Variants in PCDHGB1 observed in about 807,000 individuals in gnomAD.
PCDHGB1 encodes the protein protocadherin gamma subfamily B, 1.
A neutral mutation model predicts 56.6 loss-of-function variants in PCDHGB1; 34 were observed. The observed-to-expected ratio is 0.60, with a 90% CI of 0.46 to 0.80. The LOEUF is 0.80. PCDHGB1 is among the 30% of genes least tolerant of loss of function. The pLI, the probability that PCDHGB1 is intolerant of heterozygous loss-of-function variation, is 0.00. For missense variants in PCDHGB1, 1,278 were observed against 1,204.6 expected (o/e 1.06, Z -0.90); for synonymous variants, 561 against 505.9 (o/e 1.11, Z -1.46).
chr5:141,357,205 C>T (rs1292971375), intron 1 of PCDHGB1: 1 of 1,613,850 alleles, frequency 6.2e-7, no homozygotes, highest in Non-Finnish European at 8.5e-7. Context: ...CGACAGCATC[C>T]CAGATGTCCT....
rs768920923 is a variant in PCDHGB1 at position 141,351,129 on chromosome 5, T to A, written c.869T>A (p.Leu290His). Residue 290 changes from leucine to histidine, a missense_variant, in exon 1 of 4, where the codon CTC (leucine) becomes CAC (histidine). Coordinates refer to ENST00000523390, the MANE Select transcript of PCDHGB1 (RefSeq NM_018922.3). Reference protein sequence around the residue: ...NSPISTSLFNLNPNTGDITTN... With the variant: ...NSPISTSLFNHNPNTGDITTN... ...CCAATAAGTACCAGCCTCTTCAATC[T>A]CAATCCAAATACTGGCGACATCACA... 1 of 1,614,048 alleles carries A rather than the reference T, an allele frequency of 6.2e-7. No homozygotes were observed. Among genetic ancestry groups the A allele is most frequent in the Admixed American group, 1.7e-5 (1 of 60,032 alleles).
At chr5:141,447,284 C>A (rs979564320) in intron 1 of PCDHGB1, among the ~76,000 whole-genome samples, 1 of 152,124 alleles carries the variant, frequency 6.6e-6, no homozygotes, top group African/African-American at 2.4e-5. Context: ...GGACTACAGG[C>A]ACATGCCACC....
chr5:141,500,189 TTTA>T (rs780229863), intron 2 of PCDHGB1, among the ~76,000 whole-genome samples: 5,656 of 110,928 alleles, frequency 0.051, 122 homozygotes, highest in Middle Eastern at 0.14. Context: ...TTTATTTTTA[TTTA>T]TTTATTTATT....
intron 1 of PCDHGB1, chr5:141,372,555 C>T: frequency 6.2e-7 from 1 of 1,614,046 alleles, no homozygotes; most frequent in Non-Finnish European, 8.5e-7. Context: ...CTCCTCCAGA[C>T]CCGCCACTGA....
chr5:141,427,671 A>T (rs1441504057), intron 1 of PCDHGB1: 1 of 798,486 alleles, frequency 1.3e-6, no homozygotes, highest in East Asian at 2.6e-5. Flanking sequence ...GGCCGAAAAC[A>T]ACCTTCCCGG....
intron 1 of PCDHGB1, chr5:141,385,199 A>C (rs1185520352): frequency 6.2e-7 from 1 of 1,614,064 alleles, no homozygotes; most frequent in African/African-American, 1.3e-5. Flanking sequence ...CGGAAGAGTC[A>C]CCTGATCTTC....
rs114387256 is a variant in PCDHGB1, at chr5:141,358,315, T to G, written c.2409+5646T>G. On this transcript the variant is annotated intron_variant, in intron 1 of 3. Coordinates refer to ENST00000523390, the MANE Select transcript of PCDHGB1 (RefSeq NM_018922.3). The stretch of plus-strand genomic sequence containing the variant: ...TGTAAATTCACATTTACAATATTCT[T>G]TCTCATGAAGCTATTGTTGGATCTG... Among the ~76,000 whole-genome samples, 874 of 152,340 alleles carry G rather than the reference T, an allele frequency of 5.7e-3. 6 individuals carry two copies. The highest frequency in any genetic ancestry group is 0.02 in the African/African-American group (833 of 41,578).
At chr5:141,422,891 A>G in intron 1 of PCDHGB1, 3 of 1,614,192 alleles carry the variant, frequency 1.9e-6, no homozygotes, top group Non-Finnish European at 2.5e-6. Context: ...TTCGTGCTGG[A>G]CCAGAACGAC....
chr5:141,502,500 G>C (rs1398797155), intron 2 of PCDHGB1, among the ~76,000 whole-genome samples: 1 of 152,046 alleles, frequency 6.6e-6, no homozygotes, highest in Non-Finnish European at 1.5e-5. Flanking sequence ...ATCTAACGTC[G>C]GCCTGTCCCA....
At chr5:141,450,006 C>CTTT (rs1554136305) in intron 1 of PCDHGB1, among the ~76,000 whole-genome samples, 1 of 132,986 alleles carries the variant, frequency 7.5e-6, no homozygotes, top group Non-Finnish European at 1.6e-5. Context: ...TGCCATGTCT[C>CTTT]TTTTTTTTTT....
At chr5:141,356,885 T>A in intron 1 of PCDHGB1, 2 of 1,614,172 alleles carry the variant, frequency 1.2e-6, no homozygotes, top group Non-Finnish European at 1.7e-6. Flanking sequence ...GTCCCTGAGA[T>A]CCTGTACCCC....
At chr5:141,404,015 C>T in intron 1 of PCDHGB1, 1 of 1,613,622 alleles carries the variant, frequency 6.2e-7, no homozygotes. Context: ...TCTGTTTAGC[C>T]CAGTGAGAGA....
intron 1 of PCDHGB1, chr5:141,354,976 C>A: frequency 1.8e-6 from 1 of 544,760 alleles, no homozygotes; most frequent in Non-Finnish European, 3.0e-6. Flanking sequence ...CTCTGGGTGT[C>A]GCTGTTCACC....
intron 1 of PCDHGB1, among the ~76,000 whole-genome samples, chr5:141,439,208 C>A: frequency 6.6e-6 from 1 of 151,294 alleles, no homozygotes. Flanking sequence ...AAAAAAAATC[C>A]ATATGTGAAA....
chr5:141,477,087 C>A lies in PCDHGB1; in HGVS notation c.2410-17720C>A, dbSNP rs748424193. 14 of 1,614,244 alleles carry A rather than the reference C, an allele frequency of 8.7e-6. No individual in the cohort carries two copies. Among genetic ancestry groups the A allele is most frequent in the Non-Finnish European group, 8.5e-7 (1 of 1,180,048 alleles). On this transcript the variant is annotated intron_variant, in intron 1 of 3. Transcript: ENST00000523390. This position sits in a 1 kb window ranked among gnomAD's most constrained non-coding sequence, Gnocchi z 4.9. ...AAACTCCATGAGATTTACATCCAGG[C>A]CAAAGACAAGGGCGCCAATCCCGAA...
In PCDHGB1 at chr5:141,388,444, A is replaced by G. The variant is rs1034138913; in HGVS notation, c.2409+35775A>G. 28 of 1,613,890 alleles carry G rather than the reference A, an allele frequency of 1.7e-5. No individual in the cohort carries two copies. Among genetic ancestry groups the G allele is most frequent in the Non-Finnish European group, 2.4e-5 (28 of 1,179,886 alleles). Reference sequence around the variant, plus strand: ...TCACTGATAAATAAAGAGAAATCAGATGGCAGTAAATACCCTGAGATGGTA... The same window carrying G: ...TCACTGATAAATAAAGAGAAATCAGGTGGCAGTAAATACCCTGAGATGGTA... On this transcript the variant is annotated intron_variant, in intron 1 of 3. Transcript: ENST00000523390.
intron 1 of PCDHGB1, among the ~76,000 whole-genome samples, chr5:141,460,628 G>C (rs2098993821): frequency 6.6e-6 from 1 of 151,958 alleles, no homozygotes; most frequent in African/African-American, 2.4e-5. Flanking sequence ...GACAGATACA[G>C]ATATATAACT....
At chr5:141,400,560 C>CGTAA in intron 1 of PCDHGB1, 5 of 1,613,248 alleles carry the variant, frequency 3.1e-6, no homozygotes, top group Non-Finnish European at 3.4e-6. Flanking sequence ...TTTCATTACC[C>CGTAA]ACCCAATTTT....
At chr5:141,383,001 C>T (rs766067848) in intron 1 of PCDHGB1, 1 of 1,613,756 alleles carries the variant, frequency 6.2e-7, no homozygotes, top group South Asian at 1.1e-5. Flanking sequence ...TTCTCTACTC[C>T]GTGTCGGAGG....
Sources: allele counts gnomAD v4.1 joint callset (sites outside exome capture counted in the v4.1 genomes callset), GRCh38; gene constraint gnomAD v4.1.1; non-coding constraint Gnocchi (gnomAD v3.1); transcripts MANE v1.5; gene names NCBI Gene and HGNC (gene_info 2026-07-23, HGNC 2026-07-21).